Variants in ADGRL2 observed in about 807,000 individuals in gnomAD.
The protein encoded by ADGRL2 is calcium-independent alpha-latrotoxin receptor 2.
In ADGRL2, 44 loss-of-function variants were observed where a neutral mutation model predicts 157.4. The ratio of observed to expected loss-of-function variants is 0.28; its 90% CI spans 0.22 to 0.36. The LOEUF is 0.36. ADGRL2 is among the 10% of genes least tolerant of loss of function. The pLI, the probability that ADGRL2 is intolerant of heterozygous loss-of-function variation, is 1.00. For missense variants in ADGRL2, 1,510 were observed against 1,768.9 expected (o/e 0.85, Z 2.63); for synonymous variants, 585 against 624.7 (o/e 0.94, Z 0.95).
intron 3 of ADGRL2, among the ~76,000 whole-genome samples, chr1:81,587,345 G>C (rs1030832514): frequency 6.6e-6 from 1 of 152,038 alleles, no homozygotes; most frequent in Non-Finnish European, 1.5e-5. Flanking sequence ...TTGGAAAGAG[G>C]TATTGGATTG....
chr1:81,408,562 T>G (rs1414537022), intron 1 of ADGRL2, among the ~76,000 whole-genome samples: 1 of 152,190 alleles, frequency 6.6e-6, no homozygotes, highest in Non-Finnish European at 1.5e-5. Context: ...TTCGCGTGCC[T>G]AGACTTGTAC....
chr1:81,661,985 C>G (rs1454138817), intron 3 of ADGRL2, among the ~76,000 whole-genome samples: 1 of 152,076 alleles, frequency 6.6e-6, no homozygotes, highest in East Asian at 1.9e-4. Context: ...AGAATAAAGT[C>G]AACTTAAGAG....
intron 1 of ADGRL2, among the ~76,000 whole-genome samples, chr1:81,324,335 C>T (rs1389327244): frequency 9.6e-6 from 1 of 104,138 alleles, no homozygotes; most frequent in Non-Finnish European, 2.0e-5. Context: ...AAAACCCTGT[C>T]TCTACAAAAA....
intron 3 of ADGRL2, among the ~76,000 whole-genome samples, chr1:81,694,177 T>A (rs985011264): frequency 2.6e-5 from 4 of 152,180 alleles, no homozygotes; most frequent in African/African-American, 9.7e-5. Context: ...GTATAGATCA[T>A]ATGAAAAACA....
chr1:81,742,155 T>C (rs1248520820), intron 1 of ADGRL2, among the ~76,000 whole-genome samples: 3 of 151,988 alleles, frequency 2.0e-5, no homozygotes, highest in African/African-American at 7.2e-5. Flanking sequence ...TATGATTTCT[T>C]TAAATTTTTT....
chr1:81,415,812 A>G (rs944672449), intron 1 of ADGRL2, among the ~76,000 whole-genome samples: 2 of 152,030 alleles, frequency 1.3e-5, no homozygotes, highest in Non-Finnish European at 2.9e-5. Flanking sequence ...GAATACATGA[A>G]TAAACATTTG....
At chr1:81,913,888 T>G (rs2094792317) in intron 3 of ADGRL2, among the ~76,000 whole-genome samples, 1 of 152,100 alleles carries the variant, frequency 6.6e-6, no homozygotes, top group Non-Finnish European at 1.5e-5. Context: ...AACTTTGAAG[T>G]TCAGTTTTGC....
At chr1:81,435,913 A>G (rs2077400689) in intron 1 of ADGRL2, among the ~76,000 whole-genome samples, 1 of 152,122 alleles carries the variant, frequency 6.6e-6, no homozygotes, top group South Asian at 2.1e-4. Context: ...CCTGACCAAC[A>G]TGGAGAAACC....
At chr1:81,333,508 C>T (rs1272320698) in intron 1 of ADGRL2, among the ~76,000 whole-genome samples, 1 of 152,050 alleles carries the variant, frequency 6.6e-6, no homozygotes, top group African/African-American at 2.4e-5. Context: ...CTCTGCCCTC[C>T]AAGTTCAAGT....
Position 81,864,549 on chromosome 1 carries a change from T to A in ADGRL2, c.73+27492T>A, listed in dbSNP as rs559690654. Among the ~76,000 whole-genome samples the A allele has an allele frequency of 6.6e-5, 10 of 152,344 alleles. No homozygotes were observed. In the South Asian group the frequency reaches 2.1e-3, roughly 32 times the overall value. On this transcript the variant is annotated intron_variant, in intron 2 of 23. Transcript: ENST00000686636. Reference sequence around the variant, plus strand: ...ATTGCATTGTTTCTATTTAATTTGATAGCCTCATTTGTATCTGTTATATGA... The same window carrying A: ...ATTGCATTGTTTCTATTTAATTTGAAAGCCTCATTTGTATCTGTTATATGA...
At position 81,721,952 on chromosome 1, in the gene ADGRL2, G is replaced by C. The variant is rs1287330192; in HGVS notation, c.-143+22144G>C. The C allele has an allele frequency of 9.5e-6, 6 of 633,724 alleles. No individual in the cohort carries two copies. The Admixed American group carries it at 1.1e-4, about 12-fold the overall frequency. The allele number at this position is 633,724 out of a possible 1,614,324, so 39.3% of individuals were successfully genotyped here. ...GTGATCTAGAAGTTGATAATGAATG[G>C]GTGATTGAACCAGACACTGATGCCC... On this transcript the variant is annotated intron_variant, in intron 1 of 20. Transcript: ENST00000359929.
chr1:81,366,994 A>G (rs1182496654), intron 1 of ADGRL2, among the ~76,000 whole-genome samples: 3 of 152,166 alleles, frequency 2.0e-5, no homozygotes, highest in African/African-American at 7.2e-5. Context: ...CAATTTATGA[A>G]TTCTAGTACC....
chr1:81,742,444 A>C (rs2085103477), intron 1 of ADGRL2, among the ~76,000 whole-genome samples: 1 of 152,060 alleles, frequency 6.6e-6, no homozygotes, highest in Non-Finnish European at 1.5e-5. Context: ...TCCCTTTACT[A>C]TCATACTTTA....
chr1:81,916,725 T>G (rs2094863656), intron 3 of ADGRL2, among the ~76,000 whole-genome samples: 1 of 152,012 alleles, frequency 6.6e-6, no homozygotes, highest in Non-Finnish European at 1.5e-5. Context: ...TACTTTTAAT[T>G]TAATATTTAA....
chr1:81,721,034 CTT>C (rs533654243), intron 1 of ADGRL2, among the ~76,000 whole-genome samples: 50 of 133,150 alleles, frequency 3.8e-4, no homozygotes, highest in Admixed American at 6.2e-4. Flanking sequence ...AAACAATTTC[CTT>C]TTTTTTTTTT....
intron 3 of ADGRL2, among the ~76,000 whole-genome samples, chr1:81,655,481 A>G (rs538319017): frequency 1.0e-3 from 159 of 152,272 alleles, no homozygotes; most frequent in Non-Finnish European, 2.0e-3. Flanking sequence ...TACTGGCTCC[A>G]GTTTCCAGTT....
rs148541421 is a variant in ADGRL2 at position 81,744,597 on chromosome 1, A to G, written c.-142-17214A>G. 3.0e-3 allele frequency among the ~76,000 whole-genome samples: 461 copies of G among 152,270 alleles called. 2 individuals are homozygous for G. Among genetic ancestry groups the G allele is most frequent in the African/African-American group, 0.01 (425 of 41,580 alleles). On this transcript the variant is annotated intron_variant, in intron 1 of 20. Coordinates refer to the ADGRL2 transcript ENST00000359929. ...TACTTCTTTGGAAAGGCAGCACATG[A>G]TGAGAAGCTGAGAAAGATCTTAGTG...
intron 1 of ADGRL2, among the ~76,000 whole-genome samples, chr1:81,321,830 G>A (rs1660522073): frequency 8.5e-6 from 1 of 118,332 alleles, no homozygotes; most frequent in Non-Finnish European, 2.0e-5. Context: ...ATTACATGCT[G>A]TTGAAAAAAA....
chr1:81,561,610 G>A (rs931979233), intron 2 of ADGRL2, among the ~76,000 whole-genome samples: 5 of 151,550 alleles, frequency 3.3e-5, no homozygotes, highest in East Asian at 1.9e-4. Context: ...ACAGGCACCC[G>A]CCATCATGCC....
Sources: allele counts gnomAD v4.1 joint callset (sites outside exome capture counted in the v4.1 genomes callset), GRCh38; gene constraint gnomAD v4.1.1; transcripts MANE v1.5; gene names NCBI Gene and HGNC (gene_info 2026-07-23, HGNC 2026-07-21).